The following FCAMR variants were observed in gnomAD, a reference collection of about 807,000 sequenced individuals.
FCAMR encodes Fc alpha and mu receptor, also known as high affinity immunoglobulin alpha and immunoglobulin mu Fc receptor.
FCAMR carries 51 observed loss-of-function variants against 52.2 expected under a neutral mutation model. The observed-to-expected ratio is 0.98, with a 90% CI of 0.78 to 1.23. The LOEUF (loss-of-function observed/expected upper bound fraction) is 1.23, where lower values mean the gene tolerates loss of function less well. Ranked by LOEUF, FCAMR falls within the 50% of genes most tolerant of loss-of-function variation. The pLI, the probability that FCAMR is intolerant of heterozygous loss-of-function variation, is 0.00. For missense variants in FCAMR, 719 were observed against 712.6 expected (o/e 1.01, Z -0.10); for synonymous variants, 282 against 262.0 (o/e 1.08, Z -0.74).
At position 206,970,150 on chromosome 1, in the gene FCAMR, T is replaced by G. The variant is rs1369353888; in HGVS notation, c.-25A>C. 3.1e-6 allele frequency: 5 copies of G among 1,613,758 alleles called. No homozygotes were observed. The highest frequency in any genetic ancestry group is 3.3e-5 in the Admixed American group (2 of 59,986). ...TCTCAGTCCAGAAACAAGATCCAGG[T>G]GGACTTTTCTTCTCCTTATGAGATG... On this transcript the variant is annotated 5_prime_UTR_variant, in exon 1 of 8. Coordinates refer to ENST00000324852, the MANE Select transcript of FCAMR (RefSeq NM_001170631.2).
intron 4 of FCAMR, 96 bp from the exon 5 acceptor site, chr1:206,962,647 A>C: frequency 1.0e-6 from 1 of 999,818 alleles, no homozygotes; most frequent in Non-Finnish European, 1.4e-6. Context: ...ATTAGGGGTC[A>C]AGTCAGAAAA....
Position 206,967,610 on chromosome 1 carries a change from G to A in FCAMR, c.81C>T (p.Leu27=). 7.4e-6 allele frequency: 12 copies of A among 1,614,172 alleles called. No individual in the cohort carries two copies. Among genetic ancestry groups the A allele is most frequent in the Non-Finnish European group, 1.0e-5 (12 of 1,179,988 alleles). The change falls in exon 2 of 8, where the codon CTC becomes CTT. Residue 27 remains leucine (L), a synonymous_variant. Coordinates refer to ENST00000324852, the MANE Select transcript of FCAMR (RefSeq NM_001170631.2). ...RRGREVDYSR[L]IAGTLPQSHV... is the part of the protein sequence containing the mutation. The stretch of plus-strand genomic sequence containing the variant: ...GAGATTGTGGTAAAGTGCCAGCAAT[G>A]AGCCTGGAGTAGTCCACTTCTCTTC...
Position 206,962,288 on chromosome 1 carries a change from T to G in FCAMR, c.577A>C (p.Ile193Leu). The change falls in exon 5 of 8, where the codon ATC becomes CTC. Residue 193 changes from isoleucine (I) to leucine (L), a missense_variant. Ile to Leu is a conservative substitution (Grantham distance 5). Coordinates refer to ENST00000324852, the MANE Select transcript of FCAMR (RefSeq NM_001170631.2). ...CCAATGCCGCAGAGGTAGCATCCGA[T>G]GTCATCCGGGGACAGTTGGGACAGC... ...VRLSQLSPDDIGCYLCGIGSE... is the reference protein window; with the variant it reads ...VRLSQLSPDDLGCYLCGIGSE... 1.9e-6 allele frequency: 3 copies of G among 1,614,212 alleles called. No homozygotes were observed. In the South Asian group the frequency reaches 3.3e-5, roughly 18 times the overall value.
intron 3 of FCAMR, 135 bp from the exon 4 acceptor site, chr1:206,965,993 G>T: frequency 8.3e-7 from 1 of 1,204,420 alleles, no homozygotes; most frequent in Non-Finnish European, 1.2e-6. Flanking sequence ...TCAAGTAAGA[G>T]CTGCCTGCCC....
intron 1 of FCAMR, among the ~76,000 whole-genome samples, chr1:206,969,545 T>G (rs1421539906): frequency 1.3e-5 from 2 of 152,212 alleles, no homozygotes; most frequent in Non-Finnish European, 2.9e-5. Context: ...CTCATCCTGC[T>G]GGGAAGGGCA....
intron 2 of FCAMR, 105 bp downstream of exon 2, chr1:206,967,477 CA>C: frequency 7.9e-7 from 1 of 1,273,144 alleles, no homozygotes; most frequent in East Asian, 2.3e-5. Flanking sequence ...GTTTGAAGTC[CA>C]AACTCTAGTT....
chr1:206,969,991 A>G, intron 1 of FCAMR, 96 bp downstream of exon 1: 1 of 1,486,028 alleles, frequency 6.7e-7, no homozygotes. Flanking sequence ...CTGCTCTGGG[A>G]AGGGCACTGA....
chr1:206,966,546 C>T (rs1403915821), intron 3 of FCAMR, among the ~76,000 whole-genome samples: 29 of 152,010 alleles, frequency 1.9e-4, no homozygotes, highest in Non-Finnish European at 2.9e-5. Flanking sequence ...CCACCAGGCC[C>T]GGCTAATTTT....
Position 206,961,015 on chromosome 1 carries a change from G to A in FCAMR, c.861C>T (p.Thr287=). 6.4e-7 allele frequency: 1 copy of A among 1,551,894 alleles called. No individual in the cohort carries two copies. Among genetic ancestry groups the A allele is most frequent in the Non-Finnish European group, 8.7e-7 (1 of 1,147,038 alleles). ...SAEGRRTPGA[T]RPAAPGTGSW... is the part of the protein sequence containing the mutation. ...TGCCTGTCCCTGGAGCTGCTGGCCT[G>A]GTTGCTCCTGGGGTTCGTCTTCCCT... Residue 287 remains threonine, a synonymous_variant, in exon 6 of 8, where the codon ACC becomes ACT. Coordinates refer to ENST00000324852, the MANE Select transcript of FCAMR (RefSeq NM_001170631.2).
rs180858792 is a variant in FCAMR, at chr1:206,958,492, C to T, written c.*24G>A. The T allele has an allele frequency of 6.3e-7, 1 of 1,597,506 alleles. No individual in the cohort carries two copies. Among genetic ancestry groups the T allele is most frequent in the South Asian group, 1.1e-5 (1 of 88,868 alleles). ...GATCTTGGTCCTTCTCCCATGGTAA[C>T]TGAGCAGTTCATCTCTCTGTCCCTC... On this transcript the variant is annotated 3_prime_UTR_variant, in exon 8 of 8. Transcript: ENST00000324852.
chr1:206,960,341 A>C, intron 6 of FCAMR, 81 bp downstream of exon 6: 1 of 1,329,580 alleles, frequency 7.5e-7, no homozygotes, highest in Non-Finnish European at 1.0e-6. Flanking sequence ...AGAAGTGAGC[A>C]GAGGGAGAGG....
chr1:206,962,208 C>CATA lies in FCAMR; in HGVS notation c.652+2_652+4dup, dbSNP rs1468030348. On this transcript the variant is annotated splice_donor_region_variant and intron_variant, in intron 5 of 7. Coordinates refer to ENST00000324852, the MANE Select transcript of FCAMR (RefSeq NM_001170631.2). ...AAGCTTGGCCCATCAGCCGTCAGCT[C>CATA]ATACCTGCAGAGATGGTCAGATTCA... The CATA allele has an allele frequency of 6.2e-7, 1 of 1,612,656 alleles. No individual in the cohort carries two copies. The highest frequency in any genetic ancestry group is 2.2e-5 in the East Asian group (1 of 44,850).
At chr1:206,966,978 G>C (rs1258342299) in intron 3 of FCAMR, 74 bp downstream of exon 3, 2 of 1,466,920 alleles carry the variant, frequency 1.4e-6, no homozygotes, top group Non-Finnish European at 1.9e-6. Context: ...CAGCCTGTGA[G>C]GACCTTTAGG....
Position 206,958,569 on chromosome 1 carries a change from AG to A in FCAMR, c.1680del (p.Ser561LeufsTer8). The A allele has an allele frequency of 6.2e-7, 1 of 1,613,536 alleles. No individual in the cohort carries two copies. Among genetic ancestry groups the A allele is most frequent in the Middle Eastern group, 1.8e-4 (1 of 5,674 alleles). ...GTCAGGCTGGCCCCAGCAGGAAGAG[AG>A]TCATCCTGGAGCATCTTTCTTTCCA... ...PHVERKMLQD[D>X]SLPAGASLTA... On this transcript the variant is annotated frameshift_variant, in exon 8 of 8. Transcript: ENST00000324852. LOFTEE classifies it low-confidence loss of function (END_TRUNC).
intron 3 of FCAMR, among the ~76,000 whole-genome samples, chr1:206,966,768 C>T (rs966300114): frequency 5.3e-5 from 8 of 152,298 alleles, no homozygotes; most frequent in African/African-American, 1.9e-4. Context: ...GATGGAATTT[C>T]CATTCATTCA....
intron 1 of FCAMR, among the ~76,000 whole-genome samples, chr1:206,968,445 A>G (rs769250844): frequency 6.6e-6 from 1 of 152,252 alleles, no homozygotes; most frequent in Non-Finnish European, 1.5e-5. Context: ...CTTTGAATCT[A>G]TCTATTGCTT....
intron 3 of FCAMR, 76 bp downstream of exon 3, chr1:206,966,976 G>T (rs1385368262): frequency 1.4e-5 from 20 of 1,449,008 alleles, no homozygotes; most frequent in Non-Finnish European, 1.9e-5. Context: ...ACCAGCCTGT[G>T]AGGACCTTTA....
chr1:206,962,381 T>C lies in FCAMR; in HGVS notation c.484A>G (p.Thr162Ala). 1.2e-6 allele frequency: 2 copies of C among 1,613,920 alleles called. No homozygotes were observed. Among genetic ancestry groups the C allele is most frequent in the Middle Eastern group, 1.6e-4 (1 of 6,062 alleles). Residue 162 changes from threonine to alanine, a missense_variant, in exon 5 of 8, where the codon ACT becomes GCT. Physicochemically the swap from Thr to Ala is moderately conservative, Grantham distance 58. Transcript: ENST00000324852. Reference protein sequence around the residue: ...CQTIVSTNQYTHHRYRDRVAL... With the variant: ...CQTIVSTNQYAHHRYRDRVAL... ...ACACGGTCACGATAGCGATGGTGAG[T>C]ATACTGGTTGGTGGACACAATGGTC... is the stretch of plus-strand genomic sequence containing the variant.
chr1:206,966,449 G>T (rs924544773), intron 3 of FCAMR, among the ~76,000 whole-genome samples: 1 of 152,116 alleles, frequency 6.6e-6, no homozygotes, highest in African/African-American at 2.4e-5. Flanking sequence ...GCAGTGGCGC[G>T]ATCTCAGCTC....
Sources: gnomAD v4.1 joint callset for allele counts (sites outside exome capture counted in the v4.1 genomes callset) on GRCh38, gnomAD v4.1.1 for gene constraint, MANE v1.5 for transcripts, NCBI Gene and HGNC (gene_info 2026-07-23, HGNC 2026-07-21) for gene names.